Variants in TENM4 observed in about 807,000 individuals in gnomAD.
TENM4 encodes teneurin transmembrane protein 4, also known as teneurin-4.
In TENM4, 82 loss-of-function variants were observed where a neutral mutation model predicts 243.3. The ratio of observed to expected loss-of-function variants is 0.34; its 90% CI spans 0.28 to 0.40. The LOEUF is 0.40. TENM4 is among the 10% of genes least tolerant of loss of function. The pLI is 1.00. For missense variants in TENM4, 3,138 were observed against 3,673.3 expected (o/e 0.85, Z 3.77); for synonymous variants, 1,412 against 1,456.3 (o/e 0.97, Z 0.69).
chr11:78,982,387 C>T (rs1451229127), intron 6 of TENM4, among the ~76,000 whole-genome samples: 1 of 152,142 alleles, frequency 6.6e-6, no homozygotes, highest in Non-Finnish European at 1.5e-5. Flanking sequence ...GAGTTGTCCT[C>T]TTCCTCAGGG....
chr11:78,977,954 C>T (rs1857702556), intron 6 of TENM4, among the ~76,000 whole-genome samples: 1 of 152,108 alleles, frequency 6.6e-6, no homozygotes, highest in Admixed American at 6.5e-5. Flanking sequence ...GGAGCCAACC[C>T]AAATGCTCAT....
At chr11:78,677,922 C>T (rs1256826116) in intron 29 of TENM4, among the ~76,000 whole-genome samples, 1 of 116,800 alleles carries the variant, frequency 8.6e-6, no homozygotes, top group Non-Finnish European at 1.8e-5. Flanking sequence ...ATCCCTCCCC[C>T]CTCCCCCGAC....
chr11:78,963,056 C>T (rs1463285109), intron 6 of TENM4, among the ~76,000 whole-genome samples: 1 of 152,200 alleles, frequency 6.6e-6, no homozygotes, highest in African/African-American at 2.4e-5. Context: ...AACATAATGC[C>T]TGGCACATAG....
intron 4 of TENM4, among the ~76,000 whole-genome samples, chr11:79,104,573 A>T (rs1861315874): frequency 6.6e-6 from 1 of 152,208 alleles, no homozygotes; most frequent in Non-Finnish European, 1.5e-5. Context: ...CTATTTCCCC[A>T]TATGGAGTAA....
chr11:78,911,616 A>T (rs1042285622), intron 6 of TENM4, among the ~76,000 whole-genome samples: 1 of 152,176 alleles, frequency 6.6e-6, no homozygotes, highest in Non-Finnish European at 1.5e-5. Context: ...TTGGAAAGTG[A>T]TTATGGTGAG....
At chr11:79,210,564 T>G (rs570822739) in intron 3 of TENM4, among the ~76,000 whole-genome samples, 2 of 152,308 alleles carry the variant, frequency 1.3e-5, no homozygotes, top group African/African-American at 4.8e-5. Flanking sequence ...AAAGCGGTCA[T>G]GGGCCTTGAA....
intron 2 of TENM4, among the ~76,000 whole-genome samples, chr11:79,233,343 G>T (rs1331070364): frequency 6.6e-6 from 1 of 152,226 alleles, no homozygotes; most frequent in East Asian, 1.9e-4. Context: ...TAAAGTACAT[G>T]TTTGACAAAG....
intron 2 of TENM4, among the ~76,000 whole-genome samples, chr11:79,249,606 C>G (rs1432514250): frequency 6.6e-6 from 1 of 152,200 alleles, no homozygotes; most frequent in Admixed American, 6.5e-5. Flanking sequence ...AAAGGTATCG[C>G]AATATTCACA....
rs148421588 is a variant in TENM4 at position 78,839,354 on chromosome 11, A to G, written c.1681+14750T>C. ...AATAAAATTTTGCAGTTTTTGTCAC[A>G]CAGGTCACATGTAGTCCTCATTCAG... is the stretch of plus-strand genomic sequence containing the variant. On this transcript the variant is annotated intron_variant, in intron 12 of 33. Coordinates refer to ENST00000278550, the MANE Select transcript of TENM4 (RefSeq NM_001098816.3). Among the ~76,000 whole-genome samples the G allele has an allele frequency of 4.6e-3, 702 of 152,270 alleles. 8 individuals carry two copies. Among genetic ancestry groups the G allele is most frequent in the African/African-American group, 0.016 (667 of 41,554 alleles).
rs114499798 is a variant in TENM4 at position 78,803,366 on chromosome 11, A to G, written c.2179+1926T>C. On this transcript the variant is annotated intron_variant, in intron 15 of 33. Coordinates refer to ENST00000278550, the MANE Select transcript of TENM4 (RefSeq NM_001098816.3). ...AAATAATTCTCACTATAACTCCAGA[A>G]GGTAGGTACTATCATTATCTCCATT... Among the ~76,000 whole-genome samples the G allele has an allele frequency of 4.6e-3, 702 of 152,296 alleles. 4 individuals are homozygous for G. Among genetic ancestry groups the G allele is most frequent in the African/African-American group, 0.016 (668 of 41,568 alleles).
intron 12 of TENM4, among the ~76,000 whole-genome samples, chr11:78,830,587 C>T (rs1290069859): frequency 1.3e-5 from 2 of 152,206 alleles, no homozygotes; most frequent in Non-Finnish European, 2.9e-5. Flanking sequence ...GGTGCACATC[C>T]CCTCCAGAGC....
At chr11:79,381,501 C>G (rs560825467) in intron 1 of TENM4, among the ~76,000 whole-genome samples, 1 of 151,568 alleles carries the variant, frequency 6.6e-6, no homozygotes, top group South Asian at 2.1e-4. Flanking sequence ...TTGCTCACCA[C>G]TCAAGCGTTC....
chr11:78,668,071 G>T (rs2135663311), intron 32 of TENM4, among the ~76,000 whole-genome samples: 1 of 152,218 alleles, frequency 6.6e-6, no homozygotes, highest in Admixed American at 6.5e-5. Flanking sequence ...GGGGGTAAAG[G>T]AAAGGGAACC....
intron 3 of TENM4, among the ~76,000 whole-genome samples, chr11:79,206,071 T>C (rs968009296): frequency 6.6e-6 from 1 of 152,238 alleles, no homozygotes; most frequent in Non-Finnish European, 1.5e-5. Context: ...CCAAGTCCTT[T>C]AGCCTCTGGG....
chr11:79,250,890 G>T (rs1302212748), intron 2 of TENM4, among the ~76,000 whole-genome samples: 1 of 152,230 alleles, frequency 6.6e-6, no homozygotes, highest in Admixed American at 6.5e-5. Flanking sequence ...CCTTGAAAGA[G>T]GTTTAAAATG....
At chr11:79,310,091 G>A (rs951524528) in intron 1 of TENM4, among the ~76,000 whole-genome samples, 2 of 152,164 alleles carry the variant, frequency 1.3e-5, no homozygotes, top group Non-Finnish European at 2.9e-5. Context: ...AACCCCTGAC[G>A]CAGGGTCCTG....
chr11:79,113,289 A>C (rs1248868814), intron 4 of TENM4, among the ~76,000 whole-genome samples: 1 of 151,952 alleles, frequency 6.6e-6, no homozygotes, highest in Non-Finnish European at 1.5e-5. Context: ...GAGTGGATCC[A>C]AGACCCACGG....
intron 1 of TENM4, among the ~76,000 whole-genome samples, chr11:79,411,432 C>T (rs951933): frequency 0.23 from 35,751 of 152,140 alleles, 4,453 homozygotes; most frequent in African/African-American, 0.31. Context: ...AGACTCAGAA[C>T]ATGATAGAAG....
chr11:79,384,367 C>T (rs534336656), intron 1 of TENM4, among the ~76,000 whole-genome samples: 1 of 152,306 alleles, frequency 6.6e-6, no homozygotes, highest in South Asian at 2.1e-4. Flanking sequence ...CGCACTTGAT[C>T]TGTGGGCTTC....
Sources: gnomAD v4.1 joint callset for allele counts (sites outside exome capture counted in the v4.1 genomes callset) on GRCh38, gnomAD v4.1.1 for gene constraint, MANE v1.5 for transcripts, NCBI Gene and HGNC (gene_info 2026-07-23, HGNC 2026-07-21) for gene names.